Variants in CACNA1D observed in about 807,000 individuals in gnomAD.
CACNA1D encodes the protein calcium voltage-gated channel subunit alpha1 D, also known as voltage-dependent L-type calcium channel subunit alpha-1D.
In CACNA1D, 55 loss-of-function variants were observed where a neutral mutation model predicts 257.1. The ratio of observed to expected loss-of-function variants is 0.21; its 90% CI spans 0.17 to 0.27. The LOEUF is 0.27. CACNA1D is among the 10% of genes least tolerant of loss of function. The probability of loss-of-function intolerance (pLI) is 1.00; values close to 1 mark genes in which losing one functional copy is unlikely to be tolerated. For synonymous variants in CACNA1D, 980 were observed against 1,014.9 expected (o/e 0.97, Z 0.65); for missense variants, 1,876 against 2,784.0 (o/e 0.67, Z 7.34).
rs188446731 is a variant in CACNA1D, at chr3:53,602,733, T to C, written c.484-48046T>C. ...GCTGAGCATTTCTTCATATAACCTG[T>C]TGGCCGTTTGTCTTCTTTTGAGAAA... On this transcript the variant is annotated intron_variant, in intron 3 of 47. Transcript: ENST00000350061. 4.3e-3 allele frequency among the ~76,000 whole-genome samples: 662 copies of C among 152,368 alleles called. 4 individuals are homozygous for C. The highest frequency in any genetic ancestry group is 6.6e-3 in the Non-Finnish European group (446 of 68,032).
intron 3 of CACNA1D, among the ~76,000 whole-genome samples, chr3:53,623,525 A>G (rs1275051918): frequency 6.6e-6 from 1 of 152,208 alleles, no homozygotes; most frequent in Non-Finnish European, 1.5e-5. Flanking sequence ...GTATTTGAAG[A>G]TGTTTGTAAT....
chr3:53,772,631 G>A (rs1034266425), intron 32 of CACNA1D, among the ~76,000 whole-genome samples: 2 of 152,248 alleles, frequency 1.3e-5, no homozygotes, highest in Non-Finnish European at 2.9e-5. Flanking sequence ...AACACTGGGC[G>A]TGCATGTGGA....
chr3:53,553,360 G>T (rs1306238656), intron 3 of CACNA1D, among the ~76,000 whole-genome samples: 2 of 152,148 alleles, frequency 1.3e-5, no homozygotes, highest in African/African-American at 4.8e-5. Context: ...CTGCCTCCCT[G>T]CCTGCCTGCA....
At chr3:53,514,277 A>G (rs1201153387) in intron 3 of CACNA1D, among the ~76,000 whole-genome samples, 1 of 151,760 alleles carries the variant, frequency 6.6e-6, no homozygotes, top group Non-Finnish European at 1.5e-5. Context: ...AAGGGAGTCC[A>G]GGCTCACAGG....
At chr3:53,686,702 A>G (rs975000444) in intron 8 of CACNA1D, among the ~76,000 whole-genome samples, 4 of 152,088 alleles carry the variant, frequency 2.6e-5, no homozygotes, top group African/African-American at 9.6e-5. Flanking sequence ...AGCTGACAAC[A>G]TACTTATTGG....
At chr3:53,806,422 G>A (rs559252107) in intron 45 of CACNA1D, among the ~76,000 whole-genome samples, 66 of 152,292 alleles carry the variant, frequency 4.3e-4, no homozygotes, top group Non-Finnish European at 6.3e-4. Context: ...CCTCTGCAGC[G>A]GTGGGTGGCA....
chr3:53,660,442 G>A lies in CACNA1D; in HGVS notation c.766+167G>A, dbSNP rs181444327. Among the ~76,000 whole-genome samples the A allele has an allele frequency of 1.6e-4, 24 of 152,308 alleles. No homozygotes were observed. The East Asian group carries it at 3.7e-3, about 23-fold the overall frequency. On this transcript the variant is annotated intron_variant, in intron 5 of 47. Coordinates refer to ENST00000350061, the MANE Select transcript of CACNA1D (RefSeq NM_001128840.3). ...AGGACACTTTGGCTTGCACTGTCAC[G>A]TTGGATCCCCATGACAGAATGACAG...
At chr3:53,678,749 T>C (rs1292514742) in intron 8 of CACNA1D, among the ~76,000 whole-genome samples, 1 of 152,042 alleles carries the variant, frequency 6.6e-6, no homozygotes, top group Non-Finnish European at 1.5e-5. Context: ...GCCGGTGTAC[T>C]GTGGACTGAC....
chr3:53,681,047 A>G (rs12492502), intron 8 of CACNA1D, among the ~76,000 whole-genome samples: 30,893 of 152,094 alleles, frequency 0.2, 3,628 homozygotes, highest in East Asian at 0.45. Context: ...CCCATATGAG[A>G]CAGCATTGAT....
intron 3 of CACNA1D, among the ~76,000 whole-genome samples, chr3:53,545,601 T>C (rs1397621352): frequency 1.3e-5 from 2 of 152,234 alleles, no homozygotes; most frequent in Non-Finnish European, 2.9e-5. Context: ...CATGGTGTTC[T>C]TCTTTACTTA....
chr3:53,717,897 G>A (rs1025663476), intron 9 of CACNA1D, among the ~76,000 whole-genome samples: 1 of 152,164 alleles, frequency 6.6e-6, no homozygotes, highest in Admixed American at 6.5e-5. Context: ...GTTATTCACA[G>A]ATGTTCTATA....
intron 3 of CACNA1D, among the ~76,000 whole-genome samples, chr3:53,644,287 A>G (rs1249034291): frequency 6.6e-6 from 1 of 152,220 alleles, no homozygotes; most frequent in Admixed American, 6.5e-5. Flanking sequence ...ACTAATTAAC[A>G]TATCTATTAC....
chr3:53,620,721 A>G (rs1049656574), intron 3 of CACNA1D, among the ~76,000 whole-genome samples: 1 of 152,252 alleles, frequency 6.6e-6, no homozygotes, highest in Non-Finnish European at 1.5e-5. Context: ...TTGTGTAAGA[A>G]CTTGATTTGC....
chr3:53,757,316 T>C (rs1004777012), intron 29 of CACNA1D, among the ~76,000 whole-genome samples: 9 of 152,218 alleles, frequency 5.9e-5, no homozygotes, highest in African/African-American at 1.9e-4. Flanking sequence ...GAACTTTACA[T>C]TGGGCTTCTT....
intron 37 of CACNA1D, among the ~76,000 whole-genome samples, chr3:53,779,027 G>A (rs1242618508): frequency 3.3e-5 from 5 of 152,146 alleles, no homozygotes; most frequent in Non-Finnish European, 7.3e-5. Flanking sequence ...AGCCGGGCAC[G>A]GTGGCTCACA....
chr3:53,568,227 C>T lies in CACNA1D; in HGVS notation c.483+66507C>T, dbSNP rs566930283. Among the ~76,000 whole-genome samples, 3 of 152,258 alleles carry T rather than the reference C, an allele frequency of 2.0e-5. No individual in the cohort carries two copies. In the South Asian group the frequency reaches 6.2e-4, roughly 32 times the overall value. ...ACGGACCTGCAGCTGAGCAGCTAAG[C>T]GTGATTGGAAATGTCATTCAGCTAC... On this transcript the variant is annotated intron_variant, in intron 3 of 47. Coordinates refer to ENST00000350061, the MANE Select transcript of CACNA1D (RefSeq NM_001128840.3).
intron 5 of CACNA1D, among the ~76,000 whole-genome samples, chr3:53,665,401 G>T (rs944455830): frequency 6.6e-6 from 1 of 152,148 alleles, no homozygotes; most frequent in African/African-American, 2.4e-5. Context: ...AATGAATGAT[G>T]AACTTTGACA....
At chr3:53,528,603 A>T (rs557221345) in intron 3 of CACNA1D, among the ~76,000 whole-genome samples, 1 of 152,206 alleles carries the variant, frequency 6.6e-6, no homozygotes, top group African/African-American at 2.4e-5. Context: ...GATGACGTCG[A>T]ATCTATAGGT....
At chr3:53,537,037 C>T (rs193001235) in intron 3 of CACNA1D, among the ~76,000 whole-genome samples, 1 of 152,224 alleles carries the variant, frequency 6.6e-6, no homozygotes, top group East Asian at 1.9e-4. Flanking sequence ...TCAGACTATG[C>T]CTTCTAATGT....
Sources: allele counts gnomAD v4.1 joint callset (sites outside exome capture counted in the v4.1 genomes callset), GRCh38; gene constraint gnomAD v4.1.1; transcripts MANE v1.5; gene names NCBI Gene and HGNC (gene_info 2026-07-23, HGNC 2026-07-21).